The following MTCL1 variants were observed in gnomAD, a reference collection of about 807,000 sequenced individuals.
MTCL1 encodes microtubule cross-linking factor 1.
MTCL1 carries 79 observed loss-of-function variants against 141.4 expected under a neutral mutation model. The observed-to-expected ratio is 0.56, with a 90% CI of 0.47 to 0.67. The LOEUF (loss-of-function observed/expected upper bound fraction) is 0.67, where lower values mean the gene tolerates loss of function less well. MTCL1 is among the 30% of genes least tolerant of loss of function. The pLI is 0.00. For missense variants in MTCL1, 2,177 were observed against 2,113.9 expected, an observed-to-expected ratio of 1.03 and a Z score of -0.59; for synonymous variants, 914 against 875.8, an observed-to-expected ratio of 1.04 and a Z score of -0.77.
exon 15 of MTCL1, chr18:8,824,885 T>C: frequency 6.2e-7 from 1 of 1,613,674 alleles, no homozygotes; most frequent in South Asian, 1.1e-5. Flanking sequence ...GGGGCCACAA[T>C]GGTGGGGGGC....
intron 4 of MTCL1, among the ~76,000 whole-genome samples, chr18:8,742,409 A>G (rs1241827574): frequency 1.3e-5 from 2 of 152,200 alleles, no homozygotes; most frequent in African/African-American, 4.8e-5. Context: ...ACAGTTCCAC[A>G]TGGCTGGGGA....
At chr18:8,826,928 TG>T in intron 15 of MTCL1, among the ~76,000 whole-genome samples, 1 of 152,258 alleles carries the variant, frequency 6.6e-6, no homozygotes, top group Non-Finnish European at 1.5e-5. Flanking sequence ...GTGGTGTTTT[TG>T]TACACCACTT....
exon 6 of MTCL1, chr18:8,784,766 T>G (rs1344947693): frequency 5.6e-6 from 9 of 1,614,120 alleles, no homozygotes; most frequent in Non-Finnish European, 7.6e-6. Flanking sequence ...GTCCTCTAGC[T>G]TCCTCTCCAC....
Position 8,705,682 on chromosome 18 carries a change from G to A in MTCL1, c.22G>A (p.Ala8Thr). The A allele has an allele frequency of 8.3e-7, 1 of 1,200,276 alleles. No individual in the cohort carries two copies. 74.4% of individuals were successfully genotyped at this position (1,200,276 alleles called of 1,614,324 possible). Residue 8 changes from alanine (A) to threonine (T), a missense_variant, in exon 1 of 14, where the codon GCG (alanine) becomes ACG (threonine). Physicochemically the swap from Ala to Thr is moderately conservative, Grantham distance 58 (BLOSUM62 0). Coordinates refer to the MTCL1 transcript ENST00000306329. This position sits in a 1 kb window ranked among gnomAD's most constrained non-coding sequence, Gnocchi z 5.2. The stretch of plus-strand genomic sequence containing the variant: ...GGCCATGGAGACACTGAACGGCCCC[G>A]CGGGCGGAGGTGCCCCGGACGCGAA...
intron 4 of MTCL1, among the ~76,000 whole-genome samples, chr18:8,776,722 GTTATTTATTTATTTATTTA>G (rs1443111444): frequency 1.4e-5 from 2 of 142,678 alleles, no homozygotes; most frequent in African/African-American, 5.1e-5. Flanking sequence ...GGAAACACTA[GTTATTTATTTATTTATTTA>G]TTTATTTATT....
upstream of MTCL1, among the ~76,000 whole-genome samples, chr18:8,713,775 C>T (rs938197098): frequency 6.6e-6 from 1 of 152,158 alleles, no homozygotes; most frequent in Non-Finnish European, 1.5e-5. Context: ...TCAGTTTCCT[C>T]GTTTTAAAGA....
intron 10 of MTCL1, among the ~76,000 whole-genome samples, chr18:8,805,017 T>G (rs1476631334): frequency 6.7e-6 from 1 of 149,590 alleles, no homozygotes; most frequent in African/African-American, 2.5e-5. Flanking sequence ...TCCACTTAAT[T>G]AAATGCTGGG....
At position 8,828,838 on chromosome 18, in the gene MTCL1, T is replaced by G. The variant is rs2144543443; in HGVS notation, c.4723-70T>G. 1.9e-6 allele frequency: 3 copies of G among 1,611,580 alleles called. No individual in the cohort carries two copies. Among genetic ancestry groups the G allele is most frequent in the Middle Eastern group, 1.7e-4 (1 of 6,060 alleles). ...GGGCTTGCTGACTTTAAACCTTTAT[T>G]GTTCTCCTGTTTAAAAAACACTTTC... On this transcript the variant is annotated intron_variant, in intron 15 of 16. Transcript: ENST00000359865. The surrounding 1 kb of genome is among the most constrained non-coding windows in gnomAD (Gnocchi z 5.2).
intron 4 of MTCL1, among the ~76,000 whole-genome samples, chr18:8,768,968 G>T (rs1568000869): frequency 6.6e-6 from 1 of 151,954 alleles, no homozygotes; most frequent in African/African-American, 2.4e-5. Context: ...GCTAATTTTT[G>T]TATTTTAGTA....
intron 1 of MTCL1, among the ~76,000 whole-genome samples, chr18:8,709,268 C>T (rs897954242): frequency 6.6e-6 from 1 of 152,034 alleles, no homozygotes; most frequent in Non-Finnish European, 1.5e-5. Context: ...TCATAGCTCA[C>T]TACAACCTTG....
intron 5 of MTCL1, chr18:8,778,103 A>C: frequency 4.3e-6 from 2 of 469,186 alleles, no homozygotes; most frequent in Non-Finnish European, 7.5e-6. Context: ...CACGCTGACA[A>C]GCTGGTGATT....
chr18:8,788,310 A>T (rs956296882), intron 7 of MTCL1, among the ~76,000 whole-genome samples: 1 of 151,922 alleles, frequency 6.6e-6, no homozygotes, highest in African/African-American at 2.4e-5. Context: ...CCACGACTCT[A>T]CCTGTGTGGA....
chr18:8,788,565 G>GT (rs2075604706), intron 7 of MTCL1, among the ~76,000 whole-genome samples: 2 of 152,218 alleles, frequency 1.3e-5, no homozygotes, highest in African/African-American at 4.8e-5. Context: ...GACCAAAACT[G>GT]TGACTACTAC....
chr18:8,721,424 G>A (rs1351383699), intron 4 of MTCL1, among the ~76,000 whole-genome samples: 3 of 150,546 alleles, frequency 2.0e-5, no homozygotes, highest in African/African-American at 7.2e-5. Flanking sequence ...GGCGCCTCCA[G>A]TTCAGTCAGG....
chr18:8,829,917 G>A (rs1327152407), intron 16 of MTCL1: 4 of 985,142 alleles, frequency 4.1e-6, no homozygotes, highest in Non-Finnish European at 4.8e-6. Context: ...TTCACAAGCA[G>A]AGGCTGGCAA....
intron 12 of MTCL1, among the ~76,000 whole-genome samples, chr18:8,814,299 C>T (rs1028676625): frequency 2.6e-5 from 4 of 152,100 alleles, no homozygotes; most frequent in Admixed American, 1.3e-4. Flanking sequence ...GAGCTATGAT[C>T]CCCACTGCAT....
Position 8,796,539 on chromosome 18 carries a change from C to A in MTCL1, c.2241+77C>A, listed in dbSNP as rs1224213428. ...CAGACACTGCTTTCTCCTCACCCAC[C>A]CTACACACAGTCATGTTCTATTATT... On this transcript the variant is annotated intron_variant, in intron 9 of 16. Transcript: ENST00000359865. 6 of 1,355,718 alleles carry A rather than the reference C, an allele frequency of 4.4e-6. No individual in the cohort carries two copies. In the African/African-American group the frequency reaches 5.8e-5, roughly 13 times the overall value. 84.0% of individuals were successfully genotyped at this position (1,355,718 alleles called of 1,614,324 possible).
At chr18:8,783,989 T>G in exon 6 of MTCL1, 6 of 1,613,702 alleles carry the variant, frequency 3.7e-6, no homozygotes, top group Non-Finnish European at 5.1e-6. Flanking sequence ...GAGGTCCATC[T>G]CCGAGATCGA....
exon 6 of MTCL1, chr18:8,784,738 C>T: frequency 6.2e-7 from 1 of 1,614,196 alleles, no homozygotes; most frequent in Non-Finnish European, 8.5e-7. Context: ...GCCTATCCCC[C>T]TTGCCCCACC....
Sources: gnomAD v4.1 joint callset for allele counts (sites outside exome capture counted in the v4.1 genomes callset) on GRCh38, gnomAD v4.1.1 for gene constraint, Gnocchi (gnomAD v3.1) non-coding constraint, MANE v1.5 for transcripts, NCBI Gene and HGNC (gene_info 2026-07-23, HGNC 2026-07-21) for gene names.